APBB2: variants seen among roughly 807,000 people sequenced by gnomAD.
APBB2 encodes the protein Fe65-like 1.
Under a neutral mutation model 82.5 loss-of-function variants are expected in APBB2, and 38 were observed. The ratio of observed to expected loss-of-function variants is 0.46; its 90% CI spans 0.36 to 0.60. APBB2 has a LOEUF of 0.60. Among genes scored for constraint, APBB2 ranks in the 20% least tolerant of loss-of-function variants. APBB2 has a pLI of 0.00. For missense variants in APBB2, 772 were observed against 972.3 expected, an observed-to-expected ratio of 0.79 and a Z score of 2.74; for synonymous variants, 341 against 368.2, an observed-to-expected ratio of 0.93 and a Z score of 0.85.
intron 12 of APBB2, among the ~76,000 whole-genome samples, chr4:40,851,738 A>ATATATATATTTTTT (rs1192919460): frequency 2.1e-4 from 14 of 67,724 alleles, no homozygotes; most frequent in Non-Finnish European, 4.6e-4. Flanking sequence ...ATATATATAT[A>ATATATATATTTTTT]TTTTTTTTTT....
chr4:40,847,598 G>A (rs774573413), intron 12 of APBB2, among the ~76,000 whole-genome samples: 1 of 152,126 alleles, frequency 6.6e-6, no homozygotes, highest in Non-Finnish European at 1.5e-5. Context: ...ATGCCATGAG[G>A]GTACAAACTC....
chr4:41,186,709 T>A (rs996455694), intron 1 of APBB2, among the ~76,000 whole-genome samples: 4 of 152,160 alleles, frequency 2.6e-5, no homozygotes, highest in African/African-American at 9.7e-5. Flanking sequence ...CACCATAAAT[T>A]GAAAATATCA....
intron 1 of APBB2, among the ~76,000 whole-genome samples, chr4:41,164,787 A>G (rs964342934): frequency 2.0e-5 from 3 of 152,262 alleles, no homozygotes; most frequent in Non-Finnish European, 4.4e-5. Flanking sequence ...TCTAAGAGCC[A>G]ATAGAAGGTT....
chr4:40,910,730 G>T (rs1317595908), intron 10 of APBB2, among the ~76,000 whole-genome samples: 2 of 152,276 alleles, frequency 1.3e-5, no homozygotes, highest in Admixed American at 6.5e-5. Context: ...TCGAGCTTGA[G>T]ACAGACTGAA....
intron 12 of APBB2, among the ~76,000 whole-genome samples, chr4:40,887,273 A>C (rs1284763214): frequency 1.3e-5 from 2 of 152,206 alleles, no homozygotes; most frequent in Non-Finnish European, 2.9e-5. Context: ...ATACTTTGAT[A>C]ATTTCTGAAA....
chr4:40,855,191 C>CTTCCCATCCACAG (rs1560712061), intron 12 of APBB2, among the ~76,000 whole-genome samples: 51 of 152,214 alleles, frequency 3.4e-4, no homozygotes, highest in African/African-American at 1.2e-3. Flanking sequence ...GTCATCCACA[C>CTTCCCATCCACAG]TGCTTCCCAG....
chr4:41,186,335 G>A (rs1425685400), intron 1 of APBB2, among the ~76,000 whole-genome samples: 1 of 152,166 alleles, frequency 6.6e-6, no homozygotes, highest in Non-Finnish European at 1.5e-5. Flanking sequence ...CATAGTGCCT[G>A]AAGCTACAAT....
intron 1 of APBB2, among the ~76,000 whole-genome samples, chr4:41,208,809 C>A (rs531484300): frequency 9.2e-5 from 14 of 152,304 alleles, no homozygotes; most frequent in Admixed American, 6.5e-4. Flanking sequence ...CCATTCATTT[C>A]TTTCCATGTT....
At chr4:40,967,422 C>T (rs1351925981) in intron 6 of APBB2, among the ~76,000 whole-genome samples, 1 of 152,194 alleles carries the variant, frequency 6.6e-6, no homozygotes, top group African/African-American at 2.4e-5. Flanking sequence ...CTAGGAGCTC[C>T]CTGAGCCAGG....
intron 7 of APBB2, 188 bp from the exon 8 acceptor site, chr4:40,935,327 G>A (rs141171355): frequency 2.0e-5 from 11 of 550,240 alleles, no homozygotes; most frequent in African/African-American, 5.8e-5. Context: ...ACCTGAAGAC[G>A]AGGGCAGGAG....
At chr4:41,026,285 A>G (rs561370852) in intron 5 of APBB2, among the ~76,000 whole-genome samples, 4 of 152,322 alleles carry the variant, frequency 2.6e-5, no homozygotes, top group East Asian at 3.9e-4. Context: ...GCCCCATGAC[A>G]TGTGTTTACC....
At chr4:41,073,441 A>G (rs569086497) in intron 3 of APBB2, among the ~76,000 whole-genome samples, 38 of 152,206 alleles carry the variant, frequency 2.5e-4, no homozygotes, top group Non-Finnish European at 4.4e-4. Context: ...ACCTTCACAT[A>G]TATTACCTTA....
At position 40,827,926 on chromosome 4, in the gene APBB2, G is replaced by A. The variant is rs113507438; in HGVS notation, c.1645-707C>T. ...CCTGGTGGAGATAACTGAATCATAG[G>A]GGCAGTTTTCCCCCATACTGTTCTC... On this transcript the variant is annotated intron_variant, in intron 13 of 17. Coordinates refer to ENST00000508593, the MANE Select transcript of APBB2 (RefSeq NM_004307.2). Among the ~76,000 whole-genome samples the A allele has an allele frequency of 2.9e-4, 44 of 152,174 alleles. 1 individual carries two copies. The highest frequency in any genetic ancestry group is 1.0e-3 in the African/African-American group (42 of 41,528).
intron 10 of APBB2, among the ~76,000 whole-genome samples, chr4:40,934,005 C>T (rs1784824986): frequency 6.6e-6 from 1 of 152,134 alleles, no homozygotes; most frequent in Admixed American, 6.5e-5. Context: ...CATCATAAAA[C>T]CTAATTATCC....
intron 5 of APBB2, among the ~76,000 whole-genome samples, chr4:41,030,553 C>T (rs1283570821): frequency 1.3e-5 from 2 of 152,180 alleles, no homozygotes; most frequent in Admixed American, 6.5e-5. Context: ...GTATGCACCA[C>T]TACACCTAGC....
Position 41,214,529 on chromosome 4 carries a change from G to A in APBB2, c.-541C>T, listed in dbSNP as rs1780188362. The A allele has an allele frequency of 1.3e-5, 2 of 152,410 alleles. No homozygotes were observed. The highest frequency in any genetic ancestry group is 2.1e-4 in the South Asian group (1 of 4,828). The allele number at this position is 152,410 out of a possible 1,614,324, so 9.4% of individuals were successfully genotyped here. On this transcript the variant is annotated 5_prime_UTR_variant, in exon 1 of 18. Coordinates refer to ENST00000508593, the MANE Select transcript of APBB2 (RefSeq NM_004307.2). ...CTAGCTTCCTACTTGAGACCAGAAC[G>A]GGCTCCGGCAACTGAGCATGCTCAG...
rs774818055 is a variant in APBB2, at chr4:41,013,742, C to G, written c.676G>C (p.Val226Leu). ...SSPEDGQVAT[V>L]SSSPETKKDH... ...TTCTTGGTTTCTGGGCTGGATGACA[C>G]TGTGGCTACTTGGCCGTCTTCAGGG... Residue 226 changes from valine to leucine, a missense_variant, in exon 6 of 18, where the codon GTG becomes CTG. Coordinates refer to ENST00000508593, the MANE Select transcript of APBB2 (RefSeq NM_004307.2). The G allele has an allele frequency of 3.7e-6, 6 of 1,614,086 alleles. No individual in the cohort carries two copies. The highest frequency in any genetic ancestry group is 5.1e-6 in the Non-Finnish European group (6 of 1,180,052).
intron 5 of APBB2, among the ~76,000 whole-genome samples, chr4:41,019,614 G>A (rs976001896): frequency 1.3e-5 from 2 of 152,170 alleles, no homozygotes; most frequent in East Asian, 1.9e-4. Flanking sequence ...GTGTTGAGAT[G>A]AACAGATGAG....
chr4:40,981,755 G>A (rs1366519602), intron 6 of APBB2, among the ~76,000 whole-genome samples: 1 of 152,090 alleles, frequency 6.6e-6, no homozygotes, highest in Non-Finnish European at 1.5e-5. Context: ...TCTTGTTTGG[G>A]GGCTATGCTT....
Sources: gnomAD v4.1 joint callset for allele counts (sites outside exome capture counted in the v4.1 genomes callset) on GRCh38, gnomAD v4.1.1 for gene constraint, MANE v1.5 for transcripts, NCBI Gene and HGNC (gene_info 2026-07-23, HGNC 2026-07-21) for gene names.